Variants in TRIM4 observed in about 807,000 individuals in gnomAD.
TRIM4 encodes tripartite motif containing 4, also known as E3 ubiquitin-protein ligase TRIM4.
Under a neutral mutation model 33.7 loss-of-function variants are expected in TRIM4, and 29 were observed. That is an observed-to-expected ratio of 0.86 (90% confidence interval 0.64 to 1.17). TRIM4 has a LOEUF of 1.17. TRIM4 is among the 50% of genes most tolerant of loss of function. The pLI is 0.00. For synonymous variants in TRIM4, 224 were observed against 233.0 expected (o/e 0.96, Z 0.35); for missense variants, 554 against 593.7 (o/e 0.93, Z 0.69).
intron 3 of TRIM4, among the ~76,000 whole-genome samples, chr7:99,903,965 A>G (rs1251888951): frequency 6.6e-6 from 1 of 152,226 alleles, no homozygotes; most frequent in African/African-American, 2.4e-5. Context: ...TTGTTTTACA[A>G]GATTGCTTTT....
intron 5 of TRIM4, among the ~76,000 whole-genome samples, chr7:99,902,537 G>A (rs746266418): frequency 3.9e-5 from 6 of 152,224 alleles, no homozygotes; most frequent in Non-Finnish European, 7.4e-5. Flanking sequence ...ATGAGCCTTC[G>A]TGCCCGGCCT....
chr7:99,897,916 A>C (rs1819058825), intron 5 of TRIM4, among the ~76,000 whole-genome samples: 1 of 152,186 alleles, frequency 6.6e-6, no homozygotes, highest in Non-Finnish European at 1.5e-5. Flanking sequence ...GTACCCACTA[A>C]ACATCTCACC....
intron 1 of TRIM4, 30 bp downstream of exon 1, chr7:99,918,979 C>T: frequency 6.4e-7 from 1 of 1,573,014 alleles, no homozygotes. Flanking sequence ...ACTGACAGCC[C>T]CGTCATAGTC....
intron 1 of TRIM4, among the ~76,000 whole-genome samples, chr7:99,914,440 G>A (rs537813570): frequency 1.1e-4 from 16 of 152,040 alleles, no homozygotes; most frequent in African/African-American, 3.9e-4. Context: ...ATAGGCATAA[G>A]CCACCACACC....
At chr7:99,917,732 A>C (rs535003002) in intron 1 of TRIM4, 1 of 833,514 alleles carries the variant, frequency 1.2e-6, no homozygotes, top group African/African-American at 1.8e-5. Context: ...AAACAATAAT[A>C]ATAAAATAAA....
chr7:99,895,961 G>C (rs1241880940), intron 5 of TRIM4, among the ~76,000 whole-genome samples: 6 of 148,940 alleles, frequency 4.0e-5, no homozygotes, highest in African/African-American at 1.5e-4. Flanking sequence ...TTTTTTTTTA[G>C]CCAATCCAAC....
At chr7:99,909,725 TTTTG>T in intron 1 of TRIM4, 65 bp from the exon 2 acceptor site, 7 of 1,142,592 alleles carry the variant, frequency 6.1e-6, no homozygotes, top group South Asian at 1.5e-5. Flanking sequence ...TCTTTTTTCT[TTTTG>T]TTTTTTTTTT....
At chr7:99,908,930 T>G in intron 2 of TRIM4, 118 bp from the exon 3 acceptor site, 2 of 886,630 alleles carry the variant, frequency 2.3e-6, no homozygotes, top group Non-Finnish European at 3.4e-6. Context: ...GAAAAGCTCC[T>G]GCCCACCCCC....
Position 99,892,564 on chromosome 7 carries a change from A to T in TRIM4, c.1024T>A (p.Cys342Ser). The change falls in exon 6 of 6, where the codon TGT (cysteine) becomes AGT (serine). Residue 342 changes from cysteine (C) to serine (S), a missense_variant. Cys to Ser is a moderately radical substitution (Grantham distance 112). This residue lies in a region of TRIM4 where 290 missense variants were observed against 335.8 expected (regional missense o/e 0.86). Transcript: ENST00000349062. ...AFVERFQHLP[C>S]VLGKNVFTSG... ...GTGAAAACGTTTTTTCCCAGAACAC[A>T]GGGTAAGTGCTGAAATCTCTCTACA... 6.2e-7 allele frequency: 1 copy of T among 1,614,230 alleles called. No homozygotes were observed. The highest frequency in any genetic ancestry group is 8.5e-7 in the Non-Finnish European group (1 of 1,180,040).
chr7:99,892,734 A>C lies in TRIM4; in HGVS notation c.854T>G (p.Leu285Arg). The change falls in exon 6 of 6, where the codon CTA becomes CGA. Residue 285 changes from leucine to arginine, a missense_variant. This residue lies in a region of TRIM4 where 290 missense variants were observed against 335.8 expected (regional missense o/e 0.86). Transcript: ENST00000349062. The part of the protein sequence containing the change: ...MLKRFQVAVN[L>R]AEDTAHPKLV... ...TTTGGGATGAGCTGTGTCTTCAGCTAGGTTTACAGCCACTGTGGAGAAAAT... is the reference window on the plus strand; with the variant it reads ...TTTGGGATGAGCTGTGTCTTCAGCTCGGTTTACAGCCACTGTGGAGAAAAT... The C allele has an allele frequency of 6.2e-7, 1 of 1,612,314 alleles. No individual in the cohort carries two copies. The highest frequency in any genetic ancestry group is 8.5e-7 in the Non-Finnish European group (1 of 1,179,492).
chr7:99,902,730 G>A (rs1221537176), intron 5 of TRIM4, among the ~76,000 whole-genome samples: 2 of 151,566 alleles, frequency 1.3e-5, no homozygotes, highest in Non-Finnish European at 2.9e-5. Flanking sequence ...AGCCTCTTTG[G>A]ATACCCACCC....
chr7:99,892,869 C>T, intron 5 of TRIM4, 123 bp from the exon 6 acceptor site: 6 of 839,140 alleles, frequency 7.2e-6, no homozygotes, highest in Non-Finnish European at 9.1e-6. Flanking sequence ...GACTCCACTG[C>T]TGCCCAACTG....
intron 1 of TRIM4, chr7:99,916,584 C>CCT: frequency 1.4e-6 from 1 of 697,264 alleles, no homozygotes; most frequent in Non-Finnish European, 2.6e-6. Flanking sequence ...ATCCAAGACT[C>CCT]CTCTCTCTCT....
intron 5 of TRIM4, among the ~76,000 whole-genome samples, chr7:99,897,827 G>A (rs1819056855): frequency 6.6e-6 from 1 of 152,220 alleles, no homozygotes; most frequent in Non-Finnish European, 1.5e-5. Context: ...TTATAAACCA[G>A]GCGCCAGGCC....
chr7:99,902,146 GTT>G (rs1358787424), intron 5 of TRIM4: 1 of 765,196 alleles, frequency 1.3e-6, no homozygotes, highest in Non-Finnish European at 2.4e-6. Flanking sequence ...TATTGTGCCT[GTT>G]TTGTTTTTGT....
intron 1 of TRIM4, among the ~76,000 whole-genome samples, chr7:99,910,023 C>G: frequency 6.6e-6 from 1 of 151,426 alleles, no homozygotes; most frequent in East Asian, 1.9e-4. Flanking sequence ...TGAGCCACCA[C>G]GCCTGGCAAC....
At chr7:99,892,855 T>A in intron 5 of TRIM4, 109 bp from the exon 6 acceptor site, 1 of 970,886 alleles carries the variant, frequency 1.0e-6, no homozygotes, top group Non-Finnish European at 1.5e-6. Context: ...TAACAAACAC[T>A]CATGACTCCA....
intron 1 of TRIM4, among the ~76,000 whole-genome samples, chr7:99,915,964 T>G (rs1332496548): frequency 6.6e-6 from 1 of 152,200 alleles, no homozygotes; most frequent in African/African-American, 2.4e-5. Context: ...CTCGGGGGCA[T>G]GTAACCTCAC....
intron 3 of TRIM4, among the ~76,000 whole-genome samples, chr7:99,907,421 T>G (rs939538028): frequency 3.9e-5 from 6 of 152,236 alleles, no homozygotes; most frequent in Non-Finnish European, 8.8e-5. Flanking sequence ...CAGTTTCATC[T>G]TTTTTAATCG....
Sources: allele counts gnomAD v4.1 joint callset (sites outside exome capture counted in the v4.1 genomes callset), GRCh38; gene constraint gnomAD v4.1.1; regional missense constraint gnomAD v4.1.1; transcripts MANE v1.5; gene names NCBI Gene and HGNC (gene_info 2026-07-23, HGNC 2026-07-21).